The following SYNE2 variants were observed in gnomAD, a reference collection of about 807,000 sequenced individuals.
The protein encoded by SYNE2 is spectrin repeat containing nuclear envelope protein 2.
SYNE2 carries 431 observed loss-of-function variants against 856.3 expected under a neutral mutation model. That is an observed-to-expected ratio of 0.50 (90% CI 0.47 to 0.55). SYNE2 has a LOEUF of 0.55. Among genes scored for constraint, SYNE2 ranks in the 20% least tolerant of loss-of-function variants. The pLI is 0.00. For missense variants in SYNE2, 8,129 were observed against 8,023.2 expected (o/e 1.01, Z -0.50); for synonymous variants, 2,923 against 2,872.3 (o/e 1.02, Z -0.56).
intron 38 of SYNE2, 31 bp from the exon 39 acceptor site, chr14:64,024,226 A>G (rs1404648004): frequency 6.2e-7 from 1 of 1,607,586 alleles, no homozygotes; most frequent in Admixed American, 1.7e-5. Context: ...ACTTGCCAGG[A>G]GATTGTAATG....
intron 74 of SYNE2, 38 bp from the exon 75 acceptor site, chr14:64,129,744 C>G (rs1365354527): frequency 6.2e-7 from 1 of 1,613,178 alleles, no homozygotes; most frequent in Admixed American, 1.7e-5. Flanking sequence ...CTCTGACTTA[C>G]TGAAGGGTTT....
In SYNE2 at chr14:63,888,944, G is replaced by A. The variant is rs141677755; in HGVS notation, c.-51-20154G>A. ...AGGCCGGGCGCGGTGGCACACGCCT[G>A]TAATCCCAGCACTTTGGGAGGCCGA... On this transcript the variant is annotated intron_variant, in intron 1 of 115. Transcript: ENST00000555002. Among the ~76,000 whole-genome samples the A allele has an allele frequency of 1.1e-3, 170 of 151,280 alleles. 2 individuals are homozygous for A. In the South Asian group the frequency reaches 0.015, roughly 14 times the overall value.
intron 94 of SYNE2, among the ~76,000 whole-genome samples, chr14:64,173,468 C>A (rs1321468007): frequency 6.6e-6 from 1 of 152,148 alleles, no homozygotes; most frequent in Non-Finnish European, 1.5e-5. Context: ...TATGGGTGAT[C>A]TTCAGGCTTC....
intron 70 of SYNE2, chr14:64,122,633 C>T (rs1263623061): frequency 1.5e-5 from 10 of 654,740 alleles, no homozygotes; most frequent in Non-Finnish European, 2.4e-5. Context: ...CTCATCAGAG[C>T]TGTTATTTAT....
At chr14:64,221,256 G>GGAACCCAGCAGA (rs953456297) in intron 111 of SYNE2, among the ~76,000 whole-genome samples, 1 of 152,134 alleles carries the variant, frequency 6.6e-6, no homozygotes, top group Non-Finnish European at 1.5e-5. Flanking sequence ...CTCTGCCACT[G>GGAACCCAGCAGA]GAACCCAGCA....
chr14:64,203,195 A>C (rs2098585091), intron 100 of SYNE2, among the ~76,000 whole-genome samples: 1 of 151,840 alleles, frequency 6.6e-6, no homozygotes, highest in South Asian at 2.1e-4. Context: ...TTAAGATGCA[A>C]ACCTTAATCT....
chr14:64,207,560 A>G (rs72720375), intron 100 of SYNE2, among the ~76,000 whole-genome samples: 8,561 of 151,612 alleles, frequency 0.056, 329 homozygotes, highest in Non-Finnish European at 0.079. Context: ...AAAAAAAAAA[A>G]AGAGAGTATG....
At chr14:64,104,339 C>T (rs1022012280) in intron 64 of SYNE2, among the ~76,000 whole-genome samples, 1 of 152,002 alleles carries the variant, frequency 6.6e-6, no homozygotes, top group African/African-American at 2.4e-5. Context: ...CCTGTCCCTT[C>T]TACCTCTAGT....
Position 64,207,780 on chromosome 14 carries a change from G to A in SYNE2, c.18202-978G>A, listed in dbSNP as rs189073328. Among the ~76,000 whole-genome samples the A allele has an allele frequency of 2.5e-4, 38 of 151,746 alleles. No homozygotes were observed. The East Asian group carries it at 5.8e-3, about 23-fold the overall frequency. On this transcript the variant is annotated intron_variant, in intron 100 of 115. Coordinates refer to ENST00000555002, the MANE Select transcript of SYNE2 (RefSeq NM_182914.3). ...AAAGTAGTGTAGATTTTAGAAATTGGTATATTATCAAATAATTAAAATAGA... is the reference window on the plus strand; with the variant it reads ...AAAGTAGTGTAGATTTTAGAAATTGATATATTATCAAATAATTAAAATAGA...
At chr14:64,203,215 A>T (rs2098585306) in intron 100 of SYNE2, among the ~76,000 whole-genome samples, 1 of 152,122 alleles carries the variant, frequency 6.6e-6, no homozygotes, top group Non-Finnish European at 1.5e-5. Flanking sequence ...TTGGTGGTTA[A>T]TGAGATTTTT....
intron 1 of SYNE2, among the ~76,000 whole-genome samples, chr14:63,773,856 T>C (rs148368968): frequency 3.1e-4 from 47 of 152,360 alleles, no homozygotes; most frequent in African/African-American, 1.1e-3. Context: ...ATCCTTCTGA[T>C]AGAATAATCT....
intron 1 of SYNE2, among the ~76,000 whole-genome samples, chr14:63,907,913 CATTA>C (rs934583400): frequency 4.6e-5 from 7 of 152,232 alleles, no homozygotes; most frequent in African/African-American, 1.4e-4. Context: ...ACAAATTAAT[CATTA>C]ATTAGTCAAG....
chr14:64,091,703 A>G (rs911860129), intron 60 of SYNE2, among the ~76,000 whole-genome samples: 2 of 152,214 alleles, frequency 1.3e-5, no homozygotes, highest in Admixed American at 6.5e-5. Context: ...ATCAGGAATC[A>G]TCATTAGTTA....
At chr14:64,001,895 C>T in intron 28 of SYNE2, 39 bp from the exon 29 acceptor site, 1 of 1,611,910 alleles carries the variant, frequency 6.2e-7, no homozygotes, top group Non-Finnish European at 8.5e-7. Flanking sequence ...TATCTTTCTG[C>T]TGTGTTTTCC....
chr14:64,027,685 A>G lies in SYNE2; in HGVS notation c.6606A>G (p.Leu2202=). The G allele has an allele frequency of 6.2e-7, 1 of 1,614,070 alleles. No homozygotes were observed. Among genetic ancestry groups the G allele is most frequent in the Non-Finnish European group, 8.5e-7 (1 of 1,179,920 alleles). The change falls in exon 43 of 116, where the codon TTA becomes TTG. Residue 2202 remains leucine, a synonymous_variant. Transcript: ENST00000555002. ...AQDLTSLLKE[L]KSQGNYLLEC... is the part of the protein sequence containing the mutation. Reference sequence around the variant, plus strand: ...ATTTGACATCCTTGCTAAAGGAGTTAAAATCTCAGGGAAACTACCTCTTGG... The same window carrying G: ...ATTTGACATCCTTGCTAAAGGAGTTGAAATCTCAGGGAAACTACCTCTTGG...
intron 85 of SYNE2, among the ~76,000 whole-genome samples, chr14:64,157,468 T>G (rs187837394): frequency 4.2e-4 from 64 of 152,346 alleles, no homozygotes; most frequent in Non-Finnish European, 4.9e-4. Flanking sequence ...TATACCATAT[T>G]TAGTTTACCT....
chr14:63,883,177 G>A (rs1166799276), intron 1 of SYNE2, among the ~76,000 whole-genome samples: 2 of 151,932 alleles, frequency 1.3e-5, no homozygotes, highest in Non-Finnish European at 2.9e-5. Context: ...TCCTACCTCA[G>A]CCTCCTGAGT....
chr14:64,143,064 C>T (rs1321970566), intron 82 of SYNE2, among the ~76,000 whole-genome samples: 1 of 152,198 alleles, frequency 6.6e-6, no homozygotes, highest in African/African-American at 2.4e-5. Flanking sequence ...ACCATCACAT[C>T]CTAACTTCAG....
chr14:64,081,365 T>G (rs1382040671), intron 56 of SYNE2, 78 bp from the exon 57 acceptor site: 1 of 1,571,206 alleles, frequency 6.4e-7, no homozygotes, highest in East Asian at 2.2e-5. Flanking sequence ...GACTAACAGC[T>G]ATTGACTCTT....
Sources: allele counts gnomAD v4.1 joint callset (sites outside exome capture counted in the v4.1 genomes callset), GRCh38; gene constraint gnomAD v4.1.1; transcripts MANE v1.5; gene names NCBI Gene and HGNC (gene_info 2026-07-23, HGNC 2026-07-21).